The following KREMEN1 variants were observed in gnomAD, a reference collection of about 807,000 sequenced individuals.
KREMEN1 encodes the protein kremen protein 1.
KREMEN1 carries 30 observed loss-of-function variants against 46.5 expected under a neutral mutation model. That is an observed-to-expected ratio of 0.65 (90% CI 0.48 to 0.88). The LOEUF is 0.88. Ranked by LOEUF, KREMEN1 falls within the 40% of genes least tolerant of loss-of-function variation. The probability of loss-of-function intolerance (pLI) is 0.00; values close to 1 mark genes in which losing one functional copy is unlikely to be tolerated. For missense variants in KREMEN1, 533 were observed against 596.9 expected, an observed-to-expected ratio of 0.89 and a Z score of 1.11; for synonymous variants, 214 against 230.6, an observed-to-expected ratio of 0.93 and a Z score of 0.65.
chr22:29,131,538 ATATATATATATATATATATATATG>A (rs768985881), intron 5 of KREMEN1, among the ~76,000 whole-genome samples: 2,684 of 56,066 alleles, frequency 0.048, 52 homozygotes, highest in South Asian at 0.16. Context: ...ATATATATAT[ATATATATATATATATATATATATG>A]TGTGTGTGTG....
chr22:29,079,467 T>G (rs1411673351), intron 1 of KREMEN1, among the ~76,000 whole-genome samples: 1 of 152,266 alleles, frequency 6.6e-6, no homozygotes, highest in Non-Finnish European at 1.5e-5. Flanking sequence ...AGCCAAAGCA[T>G]TAAACTTTTA....
intron 3 of KREMEN1, among the ~76,000 whole-genome samples, chr22:29,116,162 G>T (rs1036740361): frequency 6.6e-6 from 1 of 152,166 alleles, no homozygotes; most frequent in East Asian, 1.9e-4. Context: ...TTGCACTTCT[G>T]TCTGGAATGT....
intron 9 of KREMEN1, among the ~76,000 whole-genome samples, chr22:29,152,056 C>T (rs1301624690): frequency 1.3e-5 from 2 of 151,744 alleles, no homozygotes; most frequent in African/African-American, 2.4e-5. Context: ...AGCCCACTCC[C>T]AAGCCTGTTT....
intron 1 of KREMEN1, among the ~76,000 whole-genome samples, chr22:29,093,431 T>G (rs1309554882): frequency 1.3e-5 from 2 of 152,224 alleles, no homozygotes; most frequent in Admixed American, 6.5e-5. Flanking sequence ...CATGAACCTC[T>G]TCGAGTTTAA....
In KREMEN1 at chr22:29,167,057, C is replaced by T. The variant is rs1211464200; in HGVS notation, c.1430C>T (p.Ser477Leu). ...CTACCTTCCCAGGCAATTCAGGACTCGGAAGTGACATCACTCATCTGGTCT... is the reference window on the plus strand; with the variant it reads ...CTACCTTCCCAGGCAATTCAGGACTTGGAAGTGACATCACTCATCTGGTCT... Residue 477 changes from serine to leucine, a missense_variant, in exon 10 of 10, where the codon TCG becomes TTG. Ser to Leu is a moderately radical substitution (Grantham distance 145). Coordinates refer to the KREMEN1 transcript ENST00000327813. The T allele has an allele frequency of 9.7e-6, 15 of 1,551,468 alleles. No individual in the cohort carries two copies. Among genetic ancestry groups the T allele is most frequent in the East Asian group, 2.4e-5 (1 of 40,938 alleles).
chr22:29,113,978 C>A (rs1280249181), intron 3 of KREMEN1, among the ~76,000 whole-genome samples: 1 of 152,146 alleles, frequency 6.6e-6, no homozygotes, highest in Non-Finnish European at 1.5e-5. Flanking sequence ...CCACAAAGAC[C>A]CCTTTCAGTT....
At chr22:29,159,755 C>G (rs892123509) in intron 9 of KREMEN1, among the ~76,000 whole-genome samples, 1 of 152,164 alleles carries the variant, frequency 6.6e-6, no homozygotes, top group Non-Finnish European at 1.5e-5. Flanking sequence ...AAACAGAGAA[C>G]GATGAACTCT....
At chr22:29,078,494 A>AAGAAG (rs1556000676) in intron 1 of KREMEN1, among the ~76,000 whole-genome samples, 141 of 147,604 alleles carry the variant, frequency 9.6e-4, no homozygotes, top group Admixed American at 1.6e-3. Context: ...AAAAAAAAAA[A>AAGAAG]AAGAAGAAGA....
chr22:29,108,509 G>A (rs925834808), intron 3 of KREMEN1, among the ~76,000 whole-genome samples: 3 of 152,116 alleles, frequency 2.0e-5, no homozygotes, highest in African/African-American at 7.2e-5. Flanking sequence ...AAGATTAAAT[G>A]AATAAAATGC....
intron 8 of KREMEN1, among the ~76,000 whole-genome samples, chr22:29,140,661 G>T (rs145075211): frequency 0.011 from 1,607 of 152,344 alleles, 29 homozygotes; most frequent in African/African-American, 0.037. Context: ...CCCTTACGGA[G>T]ATCTTTATGC....
chr22:29,121,608 C>A, intron 4 of KREMEN1, 127 bp downstream of exon 4: 1 of 1,055,310 alleles, frequency 9.5e-7, no homozygotes, highest in Middle Eastern at 2.4e-4. Context: ...TGTATGATTC[C>A]ACTTACATGA....
In KREMEN1 at chr22:29,141,944, A is replaced by C. The variant is rs915647827; in HGVS notation, c.1209A>C (p.Lys403Asn). 1.3e-6 allele frequency: 2 copies of C among 1,593,872 alleles called. No individual in the cohort carries two copies. Among genetic ancestry groups the C allele is most frequent in the African/African-American group, 2.7e-5 (2 of 73,628 alleles). ...VAKILLHVTF[K>N]SHRVPASGDL... ...GAAAAAATATTTATCTGCTTGACAG[A>C]TCCCATCGTGTTCCTGCTTCAGGGG... is the stretch of plus-strand genomic sequence containing the variant. The change falls in exon 9 of 9, where the codon AAA (lysine) becomes AAC (asparagine). Residue 403 changes from lysine (K) to asparagine (N), a missense_variant and splice_region_variant. Transcript: ENST00000400335.
intron 9 of KREMEN1, among the ~76,000 whole-genome samples, chr22:29,164,194 G>A (rs374519606): frequency 7.2e-5 from 11 of 152,216 alleles, no homozygotes; most frequent in African/African-American, 2.7e-4. Context: ...AGTCCAAAAT[G>A]GAAACGGCTG....
At chr22:29,113,311 T>C (rs922467592) in intron 3 of KREMEN1, among the ~76,000 whole-genome samples, 3 of 152,246 alleles carry the variant, frequency 2.0e-5, no homozygotes, top group African/African-American at 4.8e-5. Context: ...AGCTGACTTA[T>C]GTGAAAATGT....
At position 29,105,709 on chromosome 22, in the gene KREMEN1, T is replaced by G. The variant is rs553184395; in HGVS notation, c.352+6756T>G. Among the ~76,000 whole-genome samples, 8 of 152,296 alleles carry G rather than the reference T, an allele frequency of 5.3e-5. No homozygotes were observed. The East Asian group carries it at 1.5e-3, about 29-fold the overall frequency. The stretch of plus-strand genomic sequence containing the variant: ...AGTGTCTGAGGGAGGCATTTCTCCA[T>G]AGTTCGTTGAGCCTCTGTATTAGGG... On this transcript the variant is annotated intron_variant, in intron 3 of 8. Transcript: ENST00000400335.
chr22:29,167,222 G>C, exon 10 of KREMEN1: 1 of 861,340 alleles, frequency 1.2e-6, no homozygotes, highest in South Asian at 1.5e-5. Flanking sequence ...GGCCCAGCGT[G>C]GTGGTTCATG....
intron 4 of KREMEN1, among the ~76,000 whole-genome samples, chr22:29,124,352 G>A (rs1243381384): frequency 6.6e-6 from 1 of 152,124 alleles, no homozygotes; most frequent in Non-Finnish European, 1.5e-5. Context: ...TTTTCGAAAA[G>A]ACAAAACTAC....
intron 3 of KREMEN1, among the ~76,000 whole-genome samples, chr22:29,104,872 C>T (rs539187471): frequency 3.9e-5 from 6 of 152,102 alleles, no homozygotes; most frequent in South Asian, 4.2e-4. Flanking sequence ...GCAGCCTGGG[C>T]GACAGAGCAA....
At chr22:29,129,746 A>C (rs1304578869) in intron 5 of KREMEN1, among the ~76,000 whole-genome samples, 1 of 152,168 alleles carries the variant, frequency 6.6e-6, no homozygotes, top group Non-Finnish European at 1.5e-5. Context: ...GGCAGCTGGC[A>C]GAAGCTGTCT....
Sources: allele counts gnomAD v4.1 joint callset (sites outside exome capture counted in the v4.1 genomes callset), GRCh38; gene constraint gnomAD v4.1.1; transcripts MANE v1.5; gene names NCBI Gene and HGNC (gene_info 2026-07-23, HGNC 2026-07-21).